TMEM200A: variants seen among roughly 807,000 people sequenced by gnomAD.
TMEM200A encodes transmembrane protein 200A.
TMEM200A carries 12 observed loss-of-function variants against 24.3 expected under a neutral mutation model. The observed-to-expected ratio is 0.49, with a 90% CI of 0.32 to 0.80. The LOEUF (loss-of-function observed/expected upper bound fraction) is 0.80, where lower values mean the gene tolerates loss of function less well. Ranked by LOEUF, TMEM200A falls within the 30% of genes least tolerant of loss-of-function variation. The probability of loss-of-function intolerance (pLI) is 0.04; values close to 1 mark genes in which losing one functional copy is unlikely to be tolerated. For synonymous variants in TMEM200A, 224 were observed against 224.4 expected (o/e 1.00, Z 0.02); for missense variants, 545 against 614.4 (o/e 0.89, Z 1.19).
At chr6:130,380,012 T>G (rs894359819) in intron 1 of TMEM200A, among the ~76,000 whole-genome samples, 4 of 152,204 alleles carry the variant, frequency 2.6e-5, no homozygotes, top group African/African-American at 7.2e-5. Flanking sequence ...AGCTTTGTTT[T>G]GTTTGCACAT....
chr6:130,435,131 T>C (rs1302159544), intron 2 of TMEM200A, among the ~76,000 whole-genome samples: 1 of 152,088 alleles, frequency 6.6e-6, no homozygotes, highest in African/African-American at 2.4e-5. Context: ...TGTCTGCAGG[T>C]ATATACATAT....
Position 130,440,475 on chromosome 6 carries a change from ACT to A in TMEM200A, c.56_57del (p.Ser19CysfsTer73). The A allele has an allele frequency of 4.3e-6, 7 of 1,611,896 alleles. No individual in the cohort carries two copies. The highest frequency in any genetic ancestry group is 5.9e-6 in the Non-Finnish European group (7 of 1,179,036). On this transcript the variant is annotated frameshift_variant, in exon 3 of 3. Transcript: ENST00000296978. LOFTEE classifies it high-confidence loss of function. ...GGCCTGGCCGCCTTGAAAAGGCAAGACTCTGCCAGATCACAGCAGCATGTCAA... is the reference window on the plus strand; with the variant it reads ...GGCCTGGCCGCCTTGAAAAGGCAAGACTGCCAGATCACAGCAGCATGTCAA...
Position 130,366,648 on chromosome 6 carries a change from G to T in TMEM200A, c.-81+124G>T. On this transcript the variant is annotated intron_variant, in intron 1 of 2. Transcript: ENST00000296978. The surrounding 1 kb of genome is among the most constrained non-coding windows in gnomAD (Gnocchi z 4.4). ...CCTCCGCTACAGCCTCCAGAGTTAG[G>T]TAAACGCTGTCTCTCCTAAAGTTTG... 2.4e-6 allele frequency: 2 copies of T among 836,430 alleles called. No homozygotes were observed. Among genetic ancestry groups the T allele is most frequent in the African/African-American group, 1.8e-5 (1 of 54,394 alleles). 51.8% of individuals were successfully genotyped at this position (836,430 alleles called of 1,614,324 possible).
intron 2 of TMEM200A, among the ~76,000 whole-genome samples, chr6:130,430,578 T>C (rs1779851774): frequency 2.0e-5 from 3 of 152,188 alleles, no homozygotes; most frequent in Non-Finnish European, 4.4e-5. Flanking sequence ...CATCTTCCTT[T>C]TTTTTCTAAT....
Position 130,403,225 on chromosome 6 carries a change from A to G in TMEM200A, c.-17+17989A>G, listed in dbSNP as rs1219281326. ...TTACTAAATTGAACTCTTTTGATAA[A>G]TGTAGCAAGATATTCATAAGAAGCC... On this transcript the variant is annotated intron_variant, in intron 2 of 2. Coordinates refer to ENST00000296978, the MANE Select transcript of TMEM200A (RefSeq NM_001258277.2). Among the ~76,000 whole-genome samples the G allele has an allele frequency of 3.9e-5, 6 of 152,252 alleles. No individual in the cohort carries two copies. The East Asian group carries it at 5.8e-4, about 15-fold the overall frequency.
chr6:130,373,896 TA>T (rs1193779172), intron 1 of TMEM200A, among the ~76,000 whole-genome samples: 2 of 152,334 alleles, frequency 1.3e-5, no homozygotes, highest in East Asian at 3.9e-4. Context: ...TTTTTAAATT[TA>T]AAAAAGCCAC....
chr6:130,415,571 A>C (rs191119383), intron 2 of TMEM200A, among the ~76,000 whole-genome samples: 8 of 152,250 alleles, frequency 5.3e-5, no homozygotes, highest in Non-Finnish European at 7.4e-5. Context: ...TTTTGAAAGG[A>C]TGTGGGGGTC....
intron 2 of TMEM200A, among the ~76,000 whole-genome samples, chr6:130,426,008 T>C (rs1003684012): frequency 6.6e-6 from 1 of 152,210 alleles, no homozygotes; most frequent in Non-Finnish European, 1.5e-5. Context: ...TAGTATTTGA[T>C]TTTGATGAAA....
At chr6:130,388,038 A>G (rs1778749995) in intron 2 of TMEM200A, among the ~76,000 whole-genome samples, 1 of 152,212 alleles carries the variant, frequency 6.6e-6, no homozygotes, top group African/African-American at 2.4e-5. Flanking sequence ...AAGGTAGCAT[A>G]GCAAGTGCCG....
At chr6:130,430,047 G>A (rs1415834213) in intron 2 of TMEM200A, among the ~76,000 whole-genome samples, 1 of 152,110 alleles carries the variant, frequency 6.6e-6, no homozygotes, top group Non-Finnish European at 1.5e-5. Context: ...CATGTGGAGT[G>A]TCCTACTTTG....
At chr6:130,398,166 T>C (rs1266765548) in intron 2 of TMEM200A, among the ~76,000 whole-genome samples, 1 of 152,046 alleles carries the variant, frequency 6.6e-6, no homozygotes, top group Non-Finnish European at 1.5e-5. Flanking sequence ...GTTGTTCCCA[T>C]ATTTGTGTCC....
At chr6:130,436,888 G>C (rs962940163) in intron 2 of TMEM200A, among the ~76,000 whole-genome samples, 1 of 151,978 alleles carries the variant, frequency 6.6e-6, no homozygotes, top group Non-Finnish European at 1.5e-5. Context: ...CTGGCCACAA[G>C]TGACACTAAA....
chr6:130,407,120 G>A (rs567732075), intron 2 of TMEM200A, among the ~76,000 whole-genome samples: 4 of 152,208 alleles, frequency 2.6e-5, no homozygotes, highest in African/African-American at 9.6e-5. Context: ...AATTATAATT[G>A]TATTCTGGAA....
At chr6:130,377,368 G>T (rs941398928) in intron 1 of TMEM200A, among the ~76,000 whole-genome samples, 2 of 152,182 alleles carry the variant, frequency 1.3e-5, no homozygotes, top group Non-Finnish European at 2.9e-5. Flanking sequence ...AAGGCCACCT[G>T]CATCCCAATT....
Position 130,393,718 on chromosome 6 carries a change from G to A in TMEM200A, c.-17+8482G>A, listed in dbSNP as rs1177904034. On this transcript the variant is annotated intron_variant, in intron 2 of 2. Coordinates refer to ENST00000296978, the MANE Select transcript of TMEM200A (RefSeq NM_001258277.2). ...ATTTTCCAGGCCCATCATGTAAAAC[G>A]GGAAATGGTGTACAGTTTTCTCAGC... Among the ~76,000 whole-genome samples the A allele has an allele frequency of 3.9e-5, 6 of 152,256 alleles. 1 individual carries two copies. The highest frequency in any genetic ancestry group is 3.9e-4 in the East Asian group (2 of 5,188).
intron 2 of TMEM200A, among the ~76,000 whole-genome samples, chr6:130,419,029 A>C (rs1267361879): frequency 6.6e-6 from 1 of 152,084 alleles, no homozygotes; most frequent in Non-Finnish European, 1.5e-5. Flanking sequence ...ATCTAACTGT[A>C]TGTTTATACC....
At chr6:130,397,523 C>A (rs1246073175) in intron 2 of TMEM200A, among the ~76,000 whole-genome samples, 3 of 151,896 alleles carry the variant, frequency 2.0e-5, no homozygotes, top group African/African-American at 7.2e-5. Context: ...TCTTTGGAGT[C>A]TATTTTATAT....
chr6:130,399,915 T>C (rs1583196321), intron 2 of TMEM200A, among the ~76,000 whole-genome samples: 1 of 151,964 alleles, frequency 6.6e-6, no homozygotes, highest in Non-Finnish European at 1.5e-5. Context: ...AGCTCCCACA[T>C]ATCAGTGAGA....
rs566619650 is a variant in TMEM200A, at chr6:130,431,751, C to T, written c.-16-8656C>T. ...CTTGTTCTATGTCATTGTTACGCAG[C>T]TCATAATTGGTGTGGGCCCATATTT... On this transcript the variant is annotated intron_variant, in intron 2 of 2. Coordinates refer to ENST00000296978, the MANE Select transcript of TMEM200A (RefSeq NM_001258277.2). 2.6e-5 allele frequency among the ~76,000 whole-genome samples: 4 copies of T among 152,130 alleles called. No individual in the cohort carries two copies. The South Asian group carries it at 8.3e-4, about 32-fold the overall frequency.
Sources: gnomAD v4.1 joint callset for allele counts (sites outside exome capture counted in the v4.1 genomes callset) on GRCh38, gnomAD v4.1.1 for gene constraint, Gnocchi (gnomAD v3.1) non-coding constraint, MANE v1.5 for transcripts, NCBI Gene and HGNC (gene_info 2026-07-23, HGNC 2026-07-21) for gene names.